The following COBL variants were observed in gnomAD, a reference collection of about 807,000 sequenced individuals.
COBL encodes the protein cordon-bleu WH2 repeat protein, also known as protein cordon-bleu.
Under a neutral mutation model 98.8 loss-of-function variants are expected in COBL, and 51 were observed. The ratio of observed to expected loss-of-function variants is 0.52; its 90% CI spans 0.41 to 0.65. The LOEUF (loss-of-function observed/expected upper bound fraction) is 0.65, where lower values mean the gene tolerates loss of function less well. Among genes scored for constraint, COBL ranks in the 30% least tolerant of loss-of-function variants. The pLI, the probability that COBL is intolerant of heterozygous loss-of-function variation, is 0.00. For missense variants in COBL, 1,617 were observed against 1,617.5 expected, an observed-to-expected ratio of 1.00 and a Z score of 0.01; for synonymous variants, 634 against 651.7, an observed-to-expected ratio of 0.97 and a Z score of 0.41.
At chr7:51,087,422 A>C (rs1794382787) in intron 6 of COBL, among the ~76,000 whole-genome samples, 1 of 152,078 alleles carries the variant, frequency 6.6e-6, no homozygotes, top group Admixed American at 6.5e-5. Flanking sequence ...CATTTCCTGG[A>C]AATTCCCATT....
intron 7 of COBL, chr7:51,064,904 C>A: frequency 1.9e-6 from 1 of 524,358 alleles, no homozygotes; most frequent in Non-Finnish European, 3.4e-6. Flanking sequence ...GCCCTGCTGC[C>A]TGGAAAGGAT....
chr7:51,192,233 A>G (rs1295206607), intron 3 of COBL, among the ~76,000 whole-genome samples: 2 of 152,242 alleles, frequency 1.3e-5, no homozygotes, highest in Non-Finnish European at 2.9e-5. Context: ...AAAAGCAGGA[A>G]AATTTAGAAG....
chr7:51,040,923 C>A (rs758690490), intron 8 of COBL, among the ~76,000 whole-genome samples: 4 of 152,224 alleles, frequency 2.6e-5, no homozygotes, highest in African/African-American at 9.7e-5. Flanking sequence ...GAGTCCTATG[C>A]GCAGCATCCC....
At chr7:51,194,530 T>A (rs1790414220) in intron 2 of COBL, among the ~76,000 whole-genome samples, 1 of 152,126 alleles carries the variant, frequency 6.6e-6, no homozygotes, top group South Asian at 2.1e-4. Context: ...TTGGAGGAAT[T>A]GCCACACTGT....
intron 2 of COBL, among the ~76,000 whole-genome samples, chr7:51,199,249 G>A (rs182529605): frequency 2.6e-5 from 4 of 152,202 alleles, no homozygotes; most frequent in East Asian, 1.9e-4. Flanking sequence ...ACCCTGAAAC[G>A]GCCAACTTAC....
chr7:51,156,634 A>G lies in COBL; in HGVS notation c.784-20303T>C. 3.1e-6 allele frequency: 3 copies of G among 970,142 alleles called. No homozygotes were observed. The South Asian group carries it at 1.4e-4, about 46-fold the overall frequency. 60.1% of individuals were successfully genotyped at this position (970,142 alleles called of 1,614,324 possible). A position where few individuals can be genotyped will look rare whatever the true frequency, so the allele number is the denominator to read the frequency against. On this transcript the variant is annotated intron_variant, in intron 5 of 12. Coordinates refer to ENST00000265136, the MANE Select transcript of COBL (RefSeq NM_015198.5). ...GAGGGTCAAATATTGAGAAATAGCTAGTCATTTGTTCAGGCTATTTTTAAA... is the reference window on the plus strand; with the variant it reads ...GAGGGTCAAATATTGAGAAATAGCTGGTCATTTGTTCAGGCTATTTTTAAA...
At chr7:51,263,679 TCAGCA>T (rs1797924580) in intron 1 of COBL, among the ~76,000 whole-genome samples, 1 of 152,092 alleles carries the variant, frequency 6.6e-6, no homozygotes, top group Non-Finnish European at 1.5e-5. Context: ...CTCACTGGTG[TCAGCA>T]CCAGCAGGTC....
chr7:51,123,380 G>T (rs959949751), intron 6 of COBL, among the ~76,000 whole-genome samples: 1 of 152,136 alleles, frequency 6.6e-6, no homozygotes, highest in Admixed American at 6.6e-5. Flanking sequence ...TTCCATCAAG[G>T]GAACAGAGTT....
rs1562805956 is a variant in COBL at position 51,025,299 on chromosome 7, G to A, written c.3578C>T (p.Pro1193Leu). The A allele has an allele frequency of 6.2e-7, 1 of 1,612,470 alleles. No individual in the cohort carries two copies. Among genetic ancestry groups the A allele is most frequent in the African/African-American group, 1.3e-5 (1 of 75,002 alleles). Residue 1193 changes from proline to leucine, a missense_variant, in exon 12 of 13, where the codon CCT becomes CTT. By Grantham distance (98) the Pro-to-Leu change is moderately conservative. This residue lies in a region of COBL where 1,304 missense variants were observed against 1,282.0 expected (regional missense o/e 1.02). Coordinates refer to ENST00000265136, the MANE Select transcript of COBL (RefSeq NM_015198.5). ...AALSAQGSES[P>L]LLEDLGLLSP... ...CAGAAGACCAAGGTCTTCTAGCAGAGGACTTTCCGAGCCCTGAGCAGAGAG... is the reference window on the plus strand; with the variant it reads ...CAGAAGACCAAGGTCTTCTAGCAGAAGACTTTCCGAGCCCTGAGCAGAGAG...
Position 51,085,238 on chromosome 7 carries a change from G to A in COBL, c.1024C>T (p.Gln342Ter). Reference protein sequence around the residue: ...KRRAPAPPPPQPPPPSPLIPN... With the variant: ...KRRAPAPPPP The stretch of plus-strand genomic sequence containing the variant: ...ATCAGGGGACTCGGTGGTGGTGGCT[G>A]TGGTGGAGGGGGAGCTGGCGCTCGC... The change falls in exon 7 of 13, where the codon CAG becomes TAG. Residue 342 changes from glutamine to a stop codon, truncating the protein, a stop_gained. Transcript: ENST00000265136. LOFTEE classifies it high-confidence loss of function. 1 of 1,613,706 alleles carries A rather than the reference G, an allele frequency of 6.2e-7. No homozygotes were observed. Among genetic ancestry groups the A allele is most frequent in the Non-Finnish European group, 8.5e-7 (1 of 1,179,958 alleles).
At chr7:51,119,245 G>A (rs995999936) in intron 6 of COBL, among the ~76,000 whole-genome samples, 2 of 152,008 alleles carry the variant, frequency 1.3e-5, no homozygotes, top group African/African-American at 4.8e-5. Flanking sequence ...ACCTAATCTA[G>A]GTTCTCATTA....
intron 6 of COBL, among the ~76,000 whole-genome samples, chr7:51,134,991 T>C (rs1276296008): frequency 2.0e-5 from 3 of 152,190 alleles, no homozygotes; most frequent in Non-Finnish European, 4.4e-5. Flanking sequence ...AGACAGAGTT[T>C]CTCTCTTGTC....
chr7:51,043,661 G>A lies in COBL; in HGVS notation c.1128C>T (p.Cys376=), dbSNP rs1230865797. The A allele has an allele frequency of 6.2e-7, 1 of 1,614,046 alleles. No individual in the cohort carries two copies. The highest frequency in any genetic ancestry group is 1.7e-5 in the Admixed American group (1 of 60,030). The change falls in exon 8 of 13, where the codon TGC becomes TGT. Residue 376 remains cysteine (C), a synonymous_variant. Coordinates refer to ENST00000265136, the MANE Select transcript of COBL (RefSeq NM_015198.5). ...GCACCTGCGGGGCTCCATCCGGGCT[G>A]CAGTGGCTGCCAGACCCCAGGGGCA... ...VSLPLGSGSH[C]SPDGAPQVLS...
At chr7:51,059,613 T>C (rs981722904) in intron 7 of COBL, among the ~76,000 whole-genome samples, 38 of 149,506 alleles carry the variant, frequency 2.5e-4, no homozygotes, top group African/African-American at 9.4e-4. Context: ...AGCCTTGGGA[T>C]TGTTTGTAGA....
At chr7:51,253,756 T>C (rs1443871480) in intron 1 of COBL, among the ~76,000 whole-genome samples, 1 of 152,256 alleles carries the variant, frequency 6.6e-6, no homozygotes, top group Non-Finnish European at 1.5e-5. Flanking sequence ...TCAACAGTTA[T>C]TTGCCATTTC....
chr7:51,084,010 C>G (rs1056985108), intron 7 of COBL, among the ~76,000 whole-genome samples: 1 of 152,110 alleles, frequency 6.6e-6, no homozygotes, highest in Non-Finnish European at 1.5e-5. Flanking sequence ...GGGCTCTTCA[C>G]GAAACAGGAG....
At chr7:51,110,544 A>G (rs941260756) in intron 6 of COBL, among the ~76,000 whole-genome samples, 1 of 152,036 alleles carries the variant, frequency 6.6e-6, no homozygotes, top group African/African-American at 2.4e-5. Context: ...CCATATCTTT[A>G]TTTTATTTTT....
chr7:51,305,465 A>C (rs1802370398), intron 1 of COBL, among the ~76,000 whole-genome samples: 1 of 152,262 alleles, frequency 6.6e-6, no homozygotes, highest in Non-Finnish European at 1.5e-5. Context: ...TCCACAGATC[A>C]ACAGTTAAAA....
intron 1 of COBL, among the ~76,000 whole-genome samples, chr7:51,312,523 T>G (rs1803156882): frequency 6.6e-6 from 1 of 152,190 alleles, no homozygotes; most frequent in South Asian, 2.1e-4. Context: ...TAATCATAAA[T>G]TTATAACAAA....
Sources: allele counts gnomAD v4.1 joint callset (sites outside exome capture counted in the v4.1 genomes callset), GRCh38; gene constraint gnomAD v4.1.1; regional missense constraint gnomAD v4.1.1; transcripts MANE v1.5; gene names NCBI Gene and HGNC (gene_info 2026-07-23, HGNC 2026-07-21).